OR8D1: variants seen among roughly 807,000 people sequenced by gnomAD.
The protein encoded by OR8D1 is olfactory receptor 8D1.
For synonymous variants in OR8D1, 143 were observed against 147.0 expected (o/e 0.97, Z 0.20); for missense variants, 384 against 366.8 (o/e 1.05, Z -0.38).
In OR8D1 at chr11:124,308,808, A is replaced by G. The variant is rs1021934450; in HGVS notation, c.*1032T>C. On this transcript the variant is annotated 3_prime_UTR_variant, in exon 3 of 3. Transcript: ENST00000641015. ...TGGAAGTTAAAATGCTAGAAATTCA[A>G]TGGAATATTCCTGGGAAGAAGAGAA... 6.6e-6 allele frequency: 1 copy of G among 152,182 alleles called. No individual in the cohort carries two copies. Among genetic ancestry groups the G allele is most frequent in the South Asian group, 2.1e-4 (1 of 4,826 alleles). 9.4% of individuals were successfully genotyped at this position (152,182 alleles called of 1,614,324 possible). A position where few individuals can be genotyped will look rare whatever the true frequency, so the allele number is the denominator to read the frequency against.
chr11:124,312,844 A>G (rs1269614751), intron 1 of OR8D1, among the ~76,000 whole-genome samples: 1 of 152,000 alleles, frequency 6.6e-6, no homozygotes, highest in Non-Finnish European at 1.5e-5. Flanking sequence ...TACTCTGTCC[A>G]AAATGAATAC....
rs374394979 is a variant in OR8D1 at position 124,307,083 on chromosome 11, C to A, written c.*2757G>T. 6.6e-6 allele frequency: 1 copy of A among 151,960 alleles called. No homozygotes were observed. Among genetic ancestry groups the A allele is most frequent in the Admixed American group, 6.6e-5 (1 of 15,232 alleles). 9.4% of individuals were successfully genotyped at this position (151,960 alleles called of 1,614,324 possible). On this transcript the variant is annotated 3_prime_UTR_variant, in exon 3 of 3. Transcript: ENST00000641015. ...GTGGCAATTTTGTCTAATGCTAGAGCTTGGTATTAAGAAATTTATTTGCCC... is the reference window on the plus strand; with the variant it reads ...GTGGCAATTTTGTCTAATGCTAGAGATTGGTATTAAGAAATTTATTTGCCC...
rs1416022039 is a variant in OR8D1, at chr11:124,303,928, T to C, written c.*5912A>G. On this transcript the variant is annotated 3_prime_UTR_variant, in exon 3 of 3. Coordinates refer to ENST00000641015, the MANE Select transcript of OR8D1 (RefSeq NM_001002917.2). ...GTTTAGTATTGTTTATGAGCTAATA[T>C]CACTTTTTACATTTTTAAATGGTTG... 2 of 151,992 alleles carry C rather than the reference T, an allele frequency of 1.3e-5. No individual in the cohort carries two copies. Among genetic ancestry groups the C allele is most frequent in the Non-Finnish European group, 2.9e-5 (2 of 67,928 alleles). 9.4% of individuals were successfully genotyped at this position (151,992 alleles called of 1,614,324 possible). A position where few individuals can be genotyped will look rare whatever the true frequency, so the allele number is the denominator to read the frequency against.
rs574747932 is a variant in OR8D1 at position 124,304,132 on chromosome 11, C to G, written c.*5708G>C. 5.9e-5 allele frequency: 9 copies of G among 152,036 alleles called. No homozygotes were observed. Among genetic ancestry groups the G allele is most frequent in the African/African-American group, 1.9e-4 (8 of 41,520 alleles). The allele number at this position is 152,036 out of a possible 1,614,324, so 9.4% of individuals were successfully genotyped here. A position where few individuals can be genotyped will look rare whatever the true frequency, so the allele number is the denominator to read the frequency against. ...GGTTTTTTAGAGAAAACATGTCAGT[C>G]TCTAATGTAGGCCATTGCTATCACC... is the stretch of plus-strand genomic sequence containing the variant. On this transcript the variant is annotated 3_prime_UTR_variant, in exon 3 of 3. Coordinates refer to ENST00000641015, the MANE Select transcript of OR8D1 (RefSeq NM_001002917.2).
In OR8D1 at chr11:124,306,398, T is replaced by C. The variant is rs1471242856; in HGVS notation, c.*3442A>G. The C allele has an allele frequency of 1.3e-5, 2 of 148,542 alleles. No individual in the cohort carries two copies. The highest frequency in any genetic ancestry group is 2.1e-4 in the South Asian group (1 of 4,776). The allele number at this position is 148,542 out of a possible 1,614,324, so 9.2% of individuals were successfully genotyped here. On this transcript the variant is annotated 3_prime_UTR_variant, in exon 3 of 3. Coordinates refer to ENST00000641015, the MANE Select transcript of OR8D1 (RefSeq NM_001002917.2). ...TACTATATATATATAATGAATATTA[T>C]ATATATAATATTCATATAATATTCA...
intron 1 of OR8D1, among the ~76,000 whole-genome samples, chr11:124,312,121 A>G (rs1862426923): frequency 6.6e-6 from 1 of 152,222 alleles, no homozygotes; most frequent in African/African-American, 2.4e-5. Context: ...ATTATCTAAA[A>G]ACACTTGTCA....
In OR8D1 at chr11:124,309,076, G is replaced by C. The variant is rs1372923216; in HGVS notation, c.*764C>G. 2 of 152,010 alleles carry C rather than the reference G, an allele frequency of 1.3e-5. No individual in the cohort carries two copies. The highest frequency in any genetic ancestry group is 2.4e-5 in the African/African-American group (1 of 41,382). 9.4% of individuals were successfully genotyped at this position (152,010 alleles called of 1,614,324 possible). A position where few individuals can be genotyped will look rare whatever the true frequency, so the allele number is the denominator to read the frequency against. The stretch of plus-strand genomic sequence containing the variant: ...AGTTCTCCAACTGAAACAAATGTGG[G>C]GGTTATATCTTCCCTATGAGGAAGG... On this transcript the variant is annotated 3_prime_UTR_variant, in exon 3 of 3. Coordinates refer to ENST00000641015, the MANE Select transcript of OR8D1 (RefSeq NM_001002917.2).
rs147296354 is a variant in OR8D1 at position 124,305,675 on chromosome 11, A to T, written c.*4165T>A. 2.9e-4 allele frequency: 44 copies of T among 152,038 alleles called. 1 individual carries two copies. In the East Asian group the frequency reaches 8.1e-3, roughly 28 times the overall value. The allele number at this position is 152,038 out of a possible 1,614,324, so 9.4% of individuals were successfully genotyped here. ...CTCTTGGTGCATTTTCTGTGTATAC[A>T]TATATAAAATTCATTAAAATGCAGT... is the stretch of plus-strand genomic sequence containing the variant. On this transcript the variant is annotated 3_prime_UTR_variant, in exon 3 of 3. Coordinates refer to ENST00000641015, the MANE Select transcript of OR8D1 (RefSeq NM_001002917.2).
rs1003921715 is a variant in OR8D1, at chr11:124,306,389, T to C, written c.*3451A>G. On this transcript the variant is annotated 3_prime_UTR_variant, in exon 3 of 3. Coordinates refer to ENST00000641015, the MANE Select transcript of OR8D1 (RefSeq NM_001002917.2). ...TTTAATAGCTACTATATATATATAATGAATATTATATATATAATATTCATA... is the reference window on the plus strand; with the variant it reads ...TTTAATAGCTACTATATATATATAACGAATATTATATATATAATATTCATA... 1.0e-4 allele frequency: 15 copies of C among 148,526 alleles called. No homozygotes were observed. The highest frequency in any genetic ancestry group is 3.2e-4 in the African/African-American group (13 of 40,926). 9.2% of individuals were successfully genotyped at this position (148,526 alleles called of 1,614,324 possible).
Position 124,303,636 on chromosome 11 carries a change from A to G in OR8D1, c.*6204T>C, listed in dbSNP as rs938253342. On this transcript the variant is annotated 3_prime_UTR_variant, in exon 3 of 3. Transcript: ENST00000641015. The stretch of plus-strand genomic sequence containing the variant: ...TAGCTTGCCTTTAGCTTTATGTATG[A>G]TGCCTTTTATTGTAAAGTTTTTTAA... The G allele has an allele frequency of 2.0e-5, 3 of 151,848 alleles. No individual in the cohort carries two copies. The highest frequency in any genetic ancestry group is 4.8e-5 in the African/African-American group (2 of 41,344). The allele number at this position is 151,848 out of a possible 1,614,324, so 9.4% of individuals were successfully genotyped here. A position where few individuals can be genotyped will look rare whatever the true frequency, so the allele number is the denominator to read the frequency against.
intron 1 of OR8D1, among the ~76,000 whole-genome samples, chr11:124,312,898 G>C (rs1414085135): frequency 2.0e-5 from 3 of 151,926 alleles, no homozygotes; most frequent in Non-Finnish European, 2.9e-5. Flanking sequence ...TTTGAGCCAG[G>C]CGTGGTGCCT....
rs543793012 is a variant in OR8D1 at position 124,304,415 on chromosome 11, T to A, written c.*5425A>T. The A allele has an allele frequency of 6.6e-6, 1 of 152,054 alleles. No homozygotes were observed. Among genetic ancestry groups the A allele is most frequent in the East Asian group, 1.9e-4 (1 of 5,170 alleles). 9.4% of individuals were successfully genotyped at this position (152,054 alleles called of 1,614,324 possible). A position where few individuals can be genotyped will look rare whatever the true frequency, so the allele number is the denominator to read the frequency against. On this transcript the variant is annotated 3_prime_UTR_variant, in exon 3 of 3. Transcript: ENST00000641015. ...AAGTGGTGTTCCATTATACATATAT[T>A]CCATAATTTCCTTCTCCATTTATCA...
chr11:124,313,362 A>G lies in OR8D1; in HGVS notation c.-122+359T>C, dbSNP rs191801639. On this transcript the variant is annotated intron_variant, in intron 1 of 2. Transcript: ENST00000641015. ...AAAAAGAGGAAAGAAAAAGAAAAAAAGAAAGAAATTTGTATGTGTAGGATG... is the reference window on the plus strand; with the variant it reads ...AAAAAGAGGAAAGAAAAAGAAAAAAGGAAAGAAATTTGTATGTGTAGGATG... Among the ~76,000 whole-genome samples, 943 of 152,072 alleles carry G rather than the reference A, an allele frequency of 6.2e-3. 8 individuals are homozygous for G. The highest frequency in any genetic ancestry group is 0.02 in the African/African-American group (833 of 41,418).
rs547770208 is a variant in OR8D1, at chr11:124,308,330, T to C, written c.*1510A>G. 2.0e-5 allele frequency: 3 copies of C among 152,212 alleles called. No homozygotes were observed. Among genetic ancestry groups the C allele is most frequent in the African/African-American group, 7.2e-5 (3 of 41,548 alleles). 9.4% of individuals were successfully genotyped at this position (152,212 alleles called of 1,614,324 possible). On this transcript the variant is annotated 3_prime_UTR_variant, in exon 3 of 3. Coordinates refer to ENST00000641015, the MANE Select transcript of OR8D1 (RefSeq NM_001002917.2). ...ATTAAAGCTGCTGAAAAAGAGTAAG[T>C]ACTATGTGTCCCCCTCAAAAAGATC... is the stretch of plus-strand genomic sequence containing the variant.
Position 124,306,386 on chromosome 11 carries a change from T to TAA in OR8D1, c.*3452_*3453dup, listed in dbSNP as rs1410852099. ...AAGTTTAATAGCTACTATATATATA[T>TAA]AATGAATATTATATATATAATATTC... is the stretch of plus-strand genomic sequence containing the variant. On this transcript the variant is annotated 3_prime_UTR_variant, in exon 3 of 3. Transcript: ENST00000641015. 1 of 148,530 alleles carries TAA rather than the reference T, an allele frequency of 6.7e-6. No individual in the cohort carries two copies. The highest frequency in any genetic ancestry group is 6.8e-5 in the Admixed American group (1 of 14,758). The allele number at this position is 148,530 out of a possible 1,614,324, so 9.2% of individuals were successfully genotyped here.
At position 124,309,806 on chromosome 11, in the gene OR8D1, A is replaced by G. The variant is rs767295174; in HGVS notation, c.*34T>C. 4.9e-6 allele frequency: 6 copies of G among 1,235,594 alleles called. No individual in the cohort carries two copies. The highest frequency in any genetic ancestry group is 6.5e-6 in the Non-Finnish European group (6 of 919,224). The allele number at this position is 1,235,594 out of a possible 1,614,324, so 76.5% of individuals were successfully genotyped here. Reference sequence around the variant, plus strand: ...GAATATATGTTCATTGGAACTATTCATTTTTCCCATCTATAAATCCCCCAA... The same window carrying G: ...GAATATATGTTCATTGGAACTATTCGTTTTTCCCATCTATAAATCCCCCAA... On this transcript the variant is annotated 3_prime_UTR_variant, in exon 3 of 3. Transcript: ENST00000641015.
chr11:124,308,034 T>C lies in OR8D1; in HGVS notation c.*1806A>G, dbSNP rs1186807198. 1.3e-5 allele frequency: 2 copies of C among 152,168 alleles called. No homozygotes were observed. Among genetic ancestry groups the C allele is most frequent in the Non-Finnish European group, 1.5e-5 (1 of 68,022 alleles). The allele number at this position is 152,168 out of a possible 1,614,324, so 9.4% of individuals were successfully genotyped here. On this transcript the variant is annotated 3_prime_UTR_variant, in exon 3 of 3. Coordinates refer to ENST00000641015, the MANE Select transcript of OR8D1 (RefSeq NM_001002917.2). The stretch of plus-strand genomic sequence containing the variant: ...AAAGAGAAACAGTTCAATTGAATTA[T>C]TGCAAAGCTAACAACTAAGAATACA...
Position 124,309,166 on chromosome 11 carries a change from T to G in OR8D1, c.*674A>C, listed in dbSNP as rs767270110. 9.9e-5 allele frequency: 15 copies of G among 151,992 alleles called. No individual in the cohort carries two copies. The highest frequency in any genetic ancestry group is 1.5e-5 in the Non-Finnish European group (1 of 67,960). 9.4% of individuals were successfully genotyped at this position (151,992 alleles called of 1,614,324 possible). Reference sequence around the variant, plus strand: ...AAACACATGGTCAGAGGTCCCTTAGTGTAGAACTGTGGTGTTAAAGTAGAT... The same window carrying G: ...AAACACATGGTCAGAGGTCCCTTAGGGTAGAACTGTGGTGTTAAAGTAGAT... On this transcript the variant is annotated 3_prime_UTR_variant, in exon 3 of 3. Transcript: ENST00000641015.
intron 1 of OR8D1, 39 bp downstream of exon 1, chr11:124,313,682 G>C (rs182750066): frequency 5.9e-5 from 9 of 152,276 alleles, no homozygotes; most frequent in African/African-American, 2.2e-4. Flanking sequence ...CCTTGCATTA[G>C]ATATAATATG....
Sources: gnomAD v4.1 joint callset for allele counts (sites outside exome capture counted in the v4.1 genomes callset) on GRCh38, gnomAD v4.1.1 for gene constraint, MANE v1.5 for transcripts, NCBI Gene and HGNC (gene_info 2026-07-23, HGNC 2026-07-21) for gene names.